Variants in CAPZB observed in about 807,000 individuals in gnomAD.
CAPZB encodes the protein F-actin-capping protein subunit beta.
A neutral mutation model predicts 38.1 loss-of-function variants in CAPZB; 2 were observed. The ratio of observed to expected loss-of-function variants is 0.05; its 90% CI spans 0.02 to 0.17. CAPZB has a LOEUF of 0.17. Among genes scored for constraint, CAPZB ranks in the 10% least tolerant of loss-of-function variants. CAPZB has a pLI of 1.00. For synonymous variants in CAPZB, 107 were observed against 127.4 expected (o/e 0.84, Z 1.08); for missense variants, 161 against 334.2 (o/e 0.48, Z 4.04).
rs1376596408 is a variant in CAPZB at position 19,339,006 on chromosome 1, GTC to G, written c.*522_*523del. 6.5e-6 allele frequency: 1 copy of G among 152,914 alleles called. No individual in the cohort carries two copies. Among genetic ancestry groups the G allele is most frequent in the Non-Finnish European group, 1.5e-5 (1 of 68,946 alleles). The allele number at this position is 152,914 out of a possible 1,614,324, so 9.5% of individuals were successfully genotyped here. A position where few individuals can be genotyped will look rare whatever the true frequency, so the allele number is the denominator to read the frequency against. On this transcript the variant is annotated 3_prime_UTR_variant, in exon 9 of 9. Coordinates refer to ENST00000264202, the MANE Select transcript of CAPZB (RefSeq NM_004930.5). ...CCCGCGGCCTCCGTGGGACGGGAGA[GTC>G]TGCGCAGGACGGCACCGAGGGCCAC...
intron 1 of CAPZB, among the ~76,000 whole-genome samples, chr1:19,450,420 T>C (rs1321314271): frequency 6.6e-6 from 1 of 152,180 alleles, no homozygotes; most frequent in East Asian, 1.9e-4. Flanking sequence ...GTTTTGGGTT[T>C]TGGAGCATTC....
chr1:19,437,751 A>G (rs2094462875), intron 1 of CAPZB, among the ~76,000 whole-genome samples: 1 of 152,212 alleles, frequency 6.6e-6, no homozygotes, highest in African/African-American at 2.4e-5. Flanking sequence ...GACCCCAGCA[A>G]AGCGAGCCTC....
At chr1:19,422,362 G>C (rs2094404549) in intron 1 of CAPZB, among the ~76,000 whole-genome samples, 1 of 152,118 alleles carries the variant, frequency 6.6e-6, no homozygotes, top group Non-Finnish European at 1.5e-5. Context: ...GAGAAGCCCT[G>C]GGCGAAAAAT....
At chr1:19,401,805 T>C (rs903960721) in intron 2 of CAPZB, among the ~76,000 whole-genome samples, 3 of 152,182 alleles carry the variant, frequency 2.0e-5, no homozygotes, top group African/African-American at 7.2e-5. Context: ...GCTGACGACC[T>C]ATAATAACAT....
In CAPZB at chr1:19,394,962, C is replaced by A. The variant is rs553758346; in HGVS notation, c.94-9336G>T. ...GGAGACAGCAGCTCCCACAGCTCCCCACAAGCCCTGTGATCAAAAAGGTGA... is the reference window on the plus strand; with the variant it reads ...GGAGACAGCAGCTCCCACAGCTCCCAACAAGCCCTGTGATCAAAAAGGTGA... On this transcript the variant is annotated intron_variant, in intron 2 of 8. Transcript: ENST00000264202. Among the ~76,000 whole-genome samples, 118 of 152,272 alleles carry A rather than the reference C, an allele frequency of 7.7e-4. No individual in the cohort carries two copies. In the Middle Eastern group the frequency reaches 0.01, roughly 13 times the overall value.
rs1396017311 is a variant in CAPZB, at chr1:19,338,836, T to G, written c.*694A>C. 6.6e-6 allele frequency: 1 copy of G among 152,606 alleles called. No homozygotes were observed. The highest frequency in any genetic ancestry group is 1.9e-4 in the East Asian group (1 of 5,188). The allele number at this position is 152,606 out of a possible 1,614,324, so 9.5% of individuals were successfully genotyped here. A position where few individuals can be genotyped will look rare whatever the true frequency, so the allele number is the denominator to read the frequency against. On this transcript the variant is annotated 3_prime_UTR_variant, in exon 9 of 9. Coordinates refer to ENST00000264202, the MANE Select transcript of CAPZB (RefSeq NM_004930.5). ...CTTTTCTTTTTTTAAGTATGGAGGCTCAAGTATAAGATGTAGATTTTTTTC... is the reference window on the plus strand; with the variant it reads ...CTTTTCTTTTTTTAAGTATGGAGGCGCAAGTATAAGATGTAGATTTTTTTC...
rs558438558 is a variant in CAPZB, at chr1:19,342,989, G to A, written c.731+1369C>T. 8.7e-6 allele frequency: 6 copies of A among 689,664 alleles called. No homozygotes were observed. The African/African-American group carries it at 8.7e-5, about 10-fold the overall frequency. 42.7% of individuals were successfully genotyped at this position (689,664 alleles called of 1,614,324 possible). On this transcript the variant is annotated intron_variant, in intron 8 of 8. Coordinates refer to ENST00000264202, the MANE Select transcript of CAPZB (RefSeq NM_004930.5). The stretch of plus-strand genomic sequence containing the variant: ...CACGAGGCGGAAGGGGGGATGCCGT[G>A]GCGGCTCTGGGGTGTGGAGTGGTAT...
At chr1:19,378,909 C>T (rs1474038046) in intron 3 of CAPZB, among the ~76,000 whole-genome samples, 1 of 152,178 alleles carries the variant, frequency 6.6e-6, no homozygotes, top group South Asian at 2.1e-4. Context: ...TGTCCCAACT[C>T]CCTGAGCCTC....
intron 4 of CAPZB, among the ~76,000 whole-genome samples, chr1:19,372,260 C>G (rs2094123147): frequency 6.6e-6 from 1 of 152,218 alleles, no homozygotes; most frequent in African/African-American, 2.4e-5. Flanking sequence ...ACTTATAAGG[C>G]CAATAAATTG....
intron 2 of CAPZB, among the ~76,000 whole-genome samples, chr1:19,392,926 G>A (rs1160193588): frequency 6.6e-6 from 1 of 152,332 alleles, no homozygotes; most frequent in East Asian, 1.9e-4. Context: ...CTAGGGAGAT[G>A]GCCTCCAGGT....
chr1:19,369,682 C>G (rs1484648234), intron 4 of CAPZB, among the ~76,000 whole-genome samples: 3 of 152,228 alleles, frequency 2.0e-5, no homozygotes, highest in Non-Finnish European at 4.4e-5. Flanking sequence ...CCTCTGGAGG[C>G]CTTTACATCT....
At chr1:19,388,580 T>C (rs2094215782) in intron 2 of CAPZB, among the ~76,000 whole-genome samples, 1 of 152,202 alleles carries the variant, frequency 6.6e-6, no homozygotes, top group Non-Finnish European at 1.5e-5. Context: ...CACTCTCAGA[T>C]ATGAACCATG....
intron 1 of CAPZB, among the ~76,000 whole-genome samples, chr1:19,472,708 C>CTT (rs2094593438): frequency 3.0e-5 from 3 of 100,944 alleles, no homozygotes; most frequent in Admixed American, 1.2e-4. Context: ...TTTCATTCTT[C>CTT]ATTTTTTTTT....
chr1:19,366,283 A>AATAAATAAATATATATATATAT (rs71008151), intron 4 of CAPZB, among the ~76,000 whole-genome samples: 4 of 60,502 alleles, frequency 6.6e-5, no homozygotes, highest in Non-Finnish European at 1.0e-4. Context: ...CGTGTCTTAA[A>AATAAATAAATATATATATATAT]ATATATATAT....
rs898044631 is a variant in CAPZB, at chr1:19,461,145, G to A, written c.3+24291C>T. Among the ~76,000 whole-genome samples the A allele has an allele frequency of 4.6e-5, 7 of 152,148 alleles. No individual in the cohort carries two copies. The East Asian group carries it at 1.3e-3, about 29-fold the overall frequency. On this transcript the variant is annotated intron_variant, in intron 1 of 8. Transcript: ENST00000264202. ...GCACAGCACGTGGCTCATGGGCTGA[G>A]CCTCCAGAAGTATTGTTAGTGGATG...
intron 1 of CAPZB, among the ~76,000 whole-genome samples, chr1:19,441,604 G>C (rs2094476671): frequency 6.6e-6 from 1 of 151,548 alleles, no homozygotes; most frequent in Admixed American, 6.6e-5. Flanking sequence ...CAGAACTACG[G>C]AACTGAAGAA....
chr1:19,375,584 G>A (rs3790762), intron 4 of CAPZB, among the ~76,000 whole-genome samples: 45,054 of 152,190 alleles, frequency 0.3, 6,990 homozygotes, highest in Middle Eastern at 0.37. Context: ...CCCCCAACTG[G>A]GGGCAGGATG....
intron 2 of CAPZB, among the ~76,000 whole-genome samples, chr1:19,415,521 G>GA (rs2094375117): frequency 2.0e-5 from 3 of 152,144 alleles, no homozygotes. Flanking sequence ...CAGGAAAAAA[G>GA]AAAAACTGTC....
intron 2 of CAPZB, among the ~76,000 whole-genome samples, chr1:19,400,229 G>A (rs1026912530): frequency 4.6e-5 from 7 of 152,046 alleles, no homozygotes; most frequent in Middle Eastern, 6.8e-3. Context: ...ACAGGTCTTC[G>A]TCAATTTCAG....
Sources: gnomAD v4.1 joint callset for allele counts (sites outside exome capture counted in the v4.1 genomes callset) on GRCh38, gnomAD v4.1.1 for gene constraint, MANE v1.5 for transcripts, NCBI Gene and HGNC (gene_info 2026-07-23, HGNC 2026-07-21) for gene names.